The following KIF9 variants were observed in gnomAD, a reference collection of about 807,000 sequenced individuals.
The protein encoded by KIF9 is kinesin family member 9, also known as kinesin-like protein KIF9.
KIF9 carries 68 observed loss-of-function variants against 94.8 expected under a neutral mutation model. The ratio of observed to expected loss-of-function variants is 0.72; its 90% CI spans 0.59 to 0.88. The LOEUF (loss-of-function observed/expected upper bound fraction) is 0.88. Among genes scored for constraint, KIF9 ranks in the 40% least tolerant of loss-of-function variants. KIF9 has a pLI of 0.00. For missense variants in KIF9, 882 were observed against 982.5 expected (o/e 0.90, Z 1.37); for synonymous variants, 343 against 362.1 (o/e 0.95, Z 0.60).
chr3:47,239,888 A>C (rs376842314), intron 17 of KIF9: 244 of 1,367,840 alleles, frequency 1.8e-4, no homozygotes, highest in Non-Finnish European at 2.3e-4. Context: ...TAGCGAGGGA[A>C]AGCCCAGTAA....
At chr3:47,231,350 A>G (rs1300890784) in intron 20 of KIF9, among the ~76,000 whole-genome samples, 1 of 150,754 alleles carries the variant, frequency 6.6e-6, no homozygotes, top group African/African-American at 2.4e-5. Context: ...AGCAGCATGG[A>G]CATCATCTGG....
Position 47,248,033 on chromosome 3 carries a change from A to G in KIF9, c.1113T>C (p.Ala371=), listed in dbSNP as rs1428916405. ...KELALLKQEL[A]IHDSLTNRTF... is the part of the protein sequence containing the mutation. ...AGCCTCTTACCAGGCTGTCATGGAT[A>G]GCCAGCTCCTGCTTGAGTAGTGCTA... is the stretch of plus-strand genomic sequence containing the variant. The change falls in exon 11 of 21, where the codon GCT becomes GCC. Residue 371 remains alanine (A), a synonymous_variant. Coordinates refer to ENST00000684063, the MANE Select transcript of KIF9 (RefSeq NM_182902.4). The G allele has an allele frequency of 6.2e-7, 1 of 1,613,482 alleles. No homozygotes were observed. The highest frequency in any genetic ancestry group is 8.5e-7 in the Non-Finnish European group (1 of 1,179,698).
At chr3:47,263,483 C>G (rs925339944) in intron 9 of KIF9, among the ~76,000 whole-genome samples, 3 of 152,150 alleles carry the variant, frequency 2.0e-5, no homozygotes, top group Non-Finnish European at 4.4e-5. Context: ...ACACCAGAGC[C>G]GATTCAGCCC....
rs780937316 is a variant in KIF9, at chr3:47,240,963, G to A, written c.1762C>T (p.Gln588Ter). ...AAAATTCGGTTGATCTCACTACCTT[G>A]CTCATTCTTAAACTCCTCAAAGGCC... ...PVAFEEFKNE[Q>*]GSEINRIFKE... The change falls in exon 17 of 21, where the codon CAA (glutamine) becomes TAA (stop). Residue 588 changes from glutamine to a stop codon, truncating the protein, a stop_gained. Coordinates refer to ENST00000684063, the MANE Select transcript of KIF9 (RefSeq NM_182902.4). LOFTEE classifies it high-confidence loss of function. 3 of 1,614,116 alleles carry A rather than the reference G, an allele frequency of 1.9e-6. No individual in the cohort carries two copies. Among genetic ancestry groups the A allele is most frequent in the African/African-American group, 1.3e-5 (1 of 74,992 alleles).
At chr3:47,233,654 C>G (rs1300377389) in intron 20 of KIF9, among the ~76,000 whole-genome samples, 1 of 151,724 alleles carries the variant, frequency 6.6e-6, no homozygotes. Flanking sequence ...CATGATCATG[C>G]CACTGCACTC....
intron 20 of KIF9, 34 bp from the exon 21 acceptor site, chr3:47,228,736 T>C: frequency 6.3e-7 from 1 of 1,582,412 alleles, no homozygotes; most frequent in Non-Finnish European, 8.7e-7. Context: ...CAGGAACTTA[T>C]TAGGAGGGAC....
At chr3:47,273,755 C>G (rs1701791854) in intron 3 of KIF9, 97 bp from the exon 4 acceptor site, 1 of 1,060,080 alleles carries the variant, frequency 9.4e-7, no homozygotes, top group Non-Finnish European at 1.4e-6. Flanking sequence ...GGGCCCTTTG[C>G]ATGAAGATGG....
At chr3:47,253,884 T>C (rs1375679709) in intron 10 of KIF9, among the ~76,000 whole-genome samples, 1 of 152,248 alleles carries the variant, frequency 6.6e-6, no homozygotes, top group Non-Finnish European at 1.5e-5. Context: ...TAAAGAGACT[T>C]ATAGACTCTA....
chr3:47,241,157 C>G lies in KIF9; in HGVS notation c.1710-142G>C, dbSNP rs185903531. On this transcript the variant is annotated intron_variant, in intron 16 of 20. Coordinates refer to ENST00000684063, the MANE Select transcript of KIF9 (RefSeq NM_182902.4). ...CCACCTACCCAAGACAGGAGCTAAA[C>G]TGTGTGTGAATCATTCCCTCCTCTT... The G allele has an allele frequency of 6.3e-4, 430 of 677,758 alleles. 3 individuals are homozygous for G. The African/African-American group carries it at 6.5e-3, about 10-fold the overall frequency. The allele number at this position is 677,758 out of a possible 1,614,324, so 42.0% of individuals were successfully genotyped here. A position where few individuals can be genotyped will look rare whatever the true frequency, so the allele number is the denominator to read the frequency against.
At chr3:47,243,776 G>T (rs752453213) in intron 15 of KIF9, 4 of 152,438 alleles carry the variant, frequency 2.6e-5, no homozygotes, top group African/African-American at 7.2e-5. Context: ...GCCTTTCTCC[G>T]AGAAGAGGCA....
intron 20 of KIF9, among the ~76,000 whole-genome samples, chr3:47,229,836 C>T (rs571842220): frequency 5.9e-5 from 9 of 151,880 alleles, no homozygotes; most frequent in East Asian, 5.8e-4. Context: ...CGGGTTCAAG[C>T]GATTCTCCTG....
intron 20 of KIF9, among the ~76,000 whole-genome samples, chr3:47,235,207 C>G (rs1698928611): frequency 6.6e-6 from 1 of 152,172 alleles, no homozygotes; most frequent in Non-Finnish European, 1.5e-5. Flanking sequence ...GCAGAGTGGA[C>G]CCCGTTGGAG....
At chr3:47,263,954 A>G (rs1701134087) in intron 9 of KIF9, 2 of 486,142 alleles carry the variant, frequency 4.1e-6, no homozygotes, top group Non-Finnish European at 8.1e-6. Flanking sequence ...CAAGTCACCA[A>G]CGATCCTTCT....
chr3:47,275,622 G>T, intron 2 of KIF9, 132 bp from the exon 3 acceptor site: 1 of 659,246 alleles, frequency 1.5e-6, no homozygotes, highest in Non-Finnish European at 2.6e-6. Flanking sequence ...GGACTCCCAC[G>T]TAGGGGCTGA....
chr3:47,256,575 C>T (rs1700622631), intron 10 of KIF9, among the ~76,000 whole-genome samples: 1 of 151,902 alleles, frequency 6.6e-6, no homozygotes, highest in Non-Finnish European at 1.5e-5. Flanking sequence ...AGGGGCGCCT[C>T]TGCCCGGCCG....
Position 47,244,816 on chromosome 3 carries a change from T to G in KIF9, c.1489A>C (p.Lys497Gln), listed in dbSNP as rs750554836. The G allele has an allele frequency of 1.2e-6, 2 of 1,614,048 alleles. No homozygotes were observed. Among genetic ancestry groups the G allele is most frequent in the South Asian group, 2.2e-5 (2 of 91,074 alleles). ...STKPGKKAKS[K>Q]KTFKEPLSSL... ...CTGAGTGGCTCTTTGAATGTCTTCT[T>G]GGACTTGGCTTTCTTCCCAGGTTTG... The change falls in exon 15 of 21, where the codon AAG becomes CAG. Residue 497 changes from lysine to glutamine, a missense_variant. Lys to Gln is a moderately conservative substitution (Grantham distance 53). Coordinates refer to ENST00000684063, the MANE Select transcript of KIF9 (RefSeq NM_182902.4).
At position 47,272,594 on chromosome 3, in the gene KIF9, T is replaced by A. The variant is rs567614699; in HGVS notation, c.366+958A>T. 1.3e-3 allele frequency among the ~76,000 whole-genome samples: 193 copies of A among 152,318 alleles called. 1 individual carries two copies. The Middle Eastern group carries it at 0.014, about 11-fold the overall frequency. The stretch of plus-strand genomic sequence containing the variant: ...CAAAGACTTAGTATGAGAAAAAGAA[T>A]GTAAACTATCTCAATAAGTTTATAT... On this transcript the variant is annotated intron_variant, in intron 4 of 20. Transcript: ENST00000684063.
chr3:47,231,506 G>A (rs1167117686), intron 20 of KIF9, among the ~76,000 whole-genome samples: 1 of 147,426 alleles, frequency 6.8e-6, no homozygotes, highest in Admixed American at 7.0e-5. Flanking sequence ...CACCTCCCTG[G>A]TTTAAGCAAT....
intron 10 of KIF9, among the ~76,000 whole-genome samples, chr3:47,254,661 T>C (rs1016356532): frequency 2.0e-5 from 3 of 152,046 alleles, no homozygotes; most frequent in Non-Finnish European, 4.4e-5. Flanking sequence ...ATACAGCTAA[T>C]GGAGGAAAGA....
Sources: allele counts gnomAD v4.1 joint callset (sites outside exome capture counted in the v4.1 genomes callset), GRCh38; gene constraint gnomAD v4.1.1; transcripts MANE v1.5; gene names NCBI Gene and HGNC (gene_info 2026-07-23, HGNC 2026-07-21).